Variants in GYG2 observed in about 807,000 individuals in gnomAD.
GYG2 encodes the protein glycogenin-2.
Under a neutral mutation model 29.4 loss-of-function variants are expected in GYG2, and 29 were observed. The ratio of observed to expected loss-of-function variants is 0.99; its 90% CI spans 0.74 to 1.35. The LOEUF is 1.35. Among genes scored for constraint, GYG2 ranks in the 40% most tolerant of loss-of-function variants. GYG2 has a pLI of 0.00. For synonymous variants in GYG2, 167 were observed against 172.3 expected, an observed-to-expected ratio of 0.97 and a Z score of 0.24; for missense variants, 370 against 385.7, an observed-to-expected ratio of 0.96 and a Z score of 0.34.
chrX:2,833,571 C>G (rs1300574866), intron 2 of GYG2, among the ~76,000 whole-genome samples: 1 of 111,609 alleles, frequency 9.0e-6, no homozygotes, highest in East Asian at 2.8e-4. Flanking sequence ...AAAACCAGCG[C>G]ACATCGTTAT....
At position 2,881,058 on chromosome X, in the gene GYG2, C is replaced by T; in HGVS notation, c.1258C>T (p.Leu420=). The T allele has an allele frequency of 8.3e-7, 1 of 1,209,460 alleles. No homozygotes were observed. Residue 420 remains leucine (L), a synonymous_variant, in exon 11 of 11, where the codon CTG becomes TTG. Transcript: ENST00000398806. ...PSLQDALEVD[L]AVSVSQISIE... ...CACTGACTGTCTTCCCTAGGTCGAC[C>T]TGGCCGTCTCTGTTTCCCAGATCTC...
intron 8 of GYG2, among the ~76,000 whole-genome samples, chrX:2,864,798 C>T (rs1309734015): frequency 3.7e-5 from 4 of 107,173 alleles, no homozygotes; most frequent in Non-Finnish European, 7.7e-5. Context: ...CTCACTCGAT[C>T]GCCCAGGCTG....
Position 2,876,033 on chromosome X carries a change from CTTTTTTTTTTTTTTTTTTT to C in GYG2, c.1143+129_1143+147del, listed in dbSNP as rs59937896. 1.1e-4 allele frequency: 20 copies of C among 186,537 alleles called. No individual in the cohort carries two copies. The African/African-American group carries it at 1.3e-3, about 12-fold the overall frequency. 15.4% of individuals were successfully genotyped at this position (186,537 alleles called of 1,213,427 possible). On this transcript the variant is annotated intron_variant, in intron 9 of 10. Transcript: ENST00000398806. The stretch of plus-strand genomic sequence containing the variant: ...GCCATAGGCTTTTAAAAATTCCTCC[CTTTTTTTTTTTTTTTTTTT>C]TTTTTTTTTGAGTGGTTTCTCCCAC...
chrX:2,842,626 C>T (rs1186191994), intron 2 of GYG2, among the ~76,000 whole-genome samples: 2 of 110,934 alleles, frequency 1.8e-5, no homozygotes, highest in Non-Finnish European at 3.8e-5. Context: ...AAGAGTCAAA[C>T]ACAACATAAA....
chrX:2,881,165 G>A lies in GYG2; in HGVS notation c.1365G>A (p.Lys455=). 8.3e-7 allele frequency: 1 copy of A among 1,203,497 alleles called. No individual in the cohort carries two copies. Among genetic ancestry groups the A allele is most frequent in the African/African-American group, 1.7e-5 (1 of 57,690 alleles). Residue 455 remains lysine, a synonymous_variant, in exon 11 of 11, where the codon AAG becomes AAA. Transcript: ENST00000398806. ...WEEGRIDYMG[K]DAFARIQEKL... is the part of the protein sequence containing the mutation. ...AAGGCCGTATCGACTACATGGGGAA[G>A]GACGCGTTTGCTCGCATCCAGGAGA...
chrX:2,830,011 G>A (rs2087226562), intron 1 of GYG2, 50 bp from the exon 2 acceptor site: 2 of 461,196 alleles, frequency 4.3e-6, no homozygotes, highest in Admixed American at 7.1e-5. Context: ...GGGTGACACT[G>A]GCGGGGCCTG....
At chrX:2,846,055 ATTTTTTTTT>A (rs374480210) in intron 3 of GYG2, among the ~76,000 whole-genome samples, 5 of 38,673 alleles carry the variant, frequency 1.3e-4, no homozygotes, top group African/African-American at 2.9e-4. Context: ...ATATATATAT[ATTTTTTTTT>A]TTTTTTTTTT....
At chrX:2,833,965 A>T (rs926905321) in intron 2 of GYG2, among the ~76,000 whole-genome samples, 5 of 112,020 alleles carry the variant, frequency 4.5e-5, no homozygotes, top group African/African-American at 1.6e-4. Context: ...AGGTTTTGGA[A>T]CCCTCAAATA....
At chrX:2,867,241 A>G (rs1200410406) in intron 8 of GYG2, among the ~76,000 whole-genome samples, 1 of 110,220 alleles carries the variant, frequency 9.1e-6, no homozygotes, top group East Asian at 2.8e-4. Flanking sequence ...CATCTCAGGG[A>G]CTCTGCCCAG....
Position 2,877,629 on chromosome X carries a change from G to T in GYG2, c.1251+322G>T, listed in dbSNP as rs1295893798. On this transcript the variant is annotated intron_variant, in intron 10 of 10. Coordinates refer to ENST00000398806, the MANE Select transcript of GYG2 (RefSeq NM_001079855.2). ...TGCGTAGCAATCCATTTTCTGAAAT[G>T]AAGAGATTAAAAGCTGAAAATTGGA... 7 of 752,536 alleles carry T rather than the reference G, an allele frequency of 9.3e-6. No homozygotes were observed. In the East Asian group the frequency reaches 6.1e-4, roughly 65 times the overall value. 62.0% of individuals were successfully genotyped at this position (752,536 alleles called of 1,213,427 possible). A position where few individuals can be genotyped will look rare whatever the true frequency, so the allele number is the denominator to read the frequency against.
intron 2 of GYG2, among the ~76,000 whole-genome samples, chrX:2,832,987 G>T (rs2087299294): frequency 8.9e-6 from 1 of 111,744 alleles, no homozygotes; most frequent in Non-Finnish European, 1.9e-5. Context: ...ATGAATTTTG[G>T]AGGTGCACAA....
chrX:2,879,389 T>A (rs1249126720), intron 10 of GYG2, among the ~76,000 whole-genome samples: 1 of 107,927 alleles, frequency 9.3e-6, no homozygotes, highest in Non-Finnish European at 1.9e-5. Flanking sequence ...TGACTCAGCC[T>A]CCCGGGTAGC....
chrX:2,834,764 A>G (rs745597315), intron 2 of GYG2, among the ~76,000 whole-genome samples: 5 of 111,888 alleles, frequency 4.5e-5, no homozygotes, highest in African/African-American at 6.5e-5. Flanking sequence ...TCTTTCTCTA[A>G]GCAGATGCCC....
intron 8 of GYG2, among the ~76,000 whole-genome samples, chrX:2,864,472 A>G (rs1486748655): frequency 1.8e-5 from 2 of 110,008 alleles, no homozygotes; most frequent in African/African-American, 3.3e-5. Context: ...GGGGGACTGA[A>G]TAGAATGGGA....
At chrX:2,856,860 G>A (rs1484032458) in intron 6 of GYG2, among the ~76,000 whole-genome samples, 7 of 107,345 alleles carry the variant, frequency 6.5e-5, no homozygotes, top group African/African-American at 2.4e-4. Context: ...TGTATAGATA[G>A]ATACCTATGT....
intron 2 of GYG2, among the ~76,000 whole-genome samples, chrX:2,830,789 G>A (rs763543282): frequency 7.7e-4 from 86 of 111,972 alleles, no homozygotes; most frequent in Non-Finnish European, 3.4e-4. Flanking sequence ...TGGGCATTGC[G>A]GCACCTGCCT....
At chrX:2,837,562 C>T (rs188741109) in intron 2 of GYG2, among the ~76,000 whole-genome samples, 4 of 110,200 alleles carry the variant, frequency 3.6e-5, no homozygotes, top group African/African-American at 1.0e-4. Flanking sequence ...CGCCCCTCCT[C>T]GGGAGTTCTC....
chrX:2,854,891 C>G (rs934862210), intron 4 of GYG2, 102 bp from the exon 5 acceptor site: 1 of 936,184 alleles, frequency 1.1e-6, no homozygotes, highest in Non-Finnish European at 1.5e-6. Context: ...GAGACTGAAG[C>G]ACTGCACTCC....
At chrX:2,869,665 A>C (rs935926387) in intron 8 of GYG2, among the ~76,000 whole-genome samples, 2 of 112,286 alleles carry the variant, frequency 1.8e-5, no homozygotes, top group African/African-American at 6.5e-5. Flanking sequence ...GTTGTTTTTG[A>C]GACAGGGTCT....
Sources: allele counts gnomAD v4.1 joint callset (sites outside exome capture counted in the v4.1 genomes callset), GRCh38; gene constraint gnomAD v4.1.1; transcripts MANE v1.5; gene names NCBI Gene and HGNC (gene_info 2026-07-23, HGNC 2026-07-21).